The following TBC1D31 variants were observed in gnomAD, a reference collection of about 807,000 sequenced individuals.
TBC1D31 encodes WD repeat domain 67.
Under a neutral mutation model 132.9 loss-of-function variants are expected in TBC1D31, and 99 were observed. The ratio of observed to expected loss-of-function variants is 0.74; its 90% CI spans 0.63 to 0.88. The LOEUF (loss-of-function observed/expected upper bound fraction) is 0.88, where lower values mean the gene tolerates loss of function less well. TBC1D31 is among the 40% of genes least tolerant of loss of function. TBC1D31 has a pLI of 0.00. For missense variants in TBC1D31, 1,134 were observed against 1,256.6 expected (o/e 0.90, Z 1.48); for synonymous variants, 385 against 419.4 (o/e 0.92, Z 1.00).
intron 17 of TBC1D31, among the ~76,000 whole-genome samples, chr8:123,139,008 A>G (rs185729052): frequency 6.6e-6 from 1 of 151,612 alleles, no homozygotes; most frequent in East Asian, 1.9e-4. Flanking sequence ...GGGTTTTACT[A>G]TGTTGCTCAT....
Position 123,087,423 on chromosome 8 carries a change from A to G in TBC1D31, c.519+3083A>G, listed in dbSNP as rs1036874245. On this transcript the variant is annotated intron_variant, in intron 4 of 21. Transcript: ENST00000287380. ...ACCAAAAATTTACTTTGTAGTCTCC[A>G]TGGAAATCCCAGAGTTCTTTAATGT... Among the ~76,000 whole-genome samples the G allele has an allele frequency of 2.6e-5, 4 of 152,248 alleles. No individual in the cohort carries two copies. In the South Asian group the frequency reaches 6.2e-4, roughly 24 times the overall value.
chr8:123,142,341 A>G lies in TBC1D31; in HGVS notation c.2720A>G (p.Lys907Arg), dbSNP rs772475299. Residue 907 changes from lysine to arginine, a missense_variant, in exon 19 of 22, where the codon AAA (lysine) becomes AGA (arginine). Transcript: ENST00000287380. ...DWQIQSLHKQ[K>R]CDDLQRNKCY... ...CAGATTCAGTCTTTACATAAACAAA[A>G]ATGTGATGATCTACAACGAAACAAA... 1.7e-5 allele frequency: 28 copies of G among 1,611,034 alleles called. 1 individual carries two copies. In the South Asian group the frequency reaches 3.0e-4, roughly 17 times the overall value.
At chr8:123,108,090 T>C (rs1818103211) in intron 8 of TBC1D31, among the ~76,000 whole-genome samples, 1 of 152,194 alleles carries the variant, frequency 6.6e-6, no homozygotes, top group African/African-American at 2.4e-5. Flanking sequence ...TCTTAGGTTT[T>C]CCCTTCACCC....
chr8:123,106,688 G>A (rs919526955), intron 8 of TBC1D31, among the ~76,000 whole-genome samples: 3 of 152,140 alleles, frequency 2.0e-5, no homozygotes, highest in African/African-American at 7.2e-5. Flanking sequence ...ACAGAAGAGT[G>A]TCTAAAACAG....
chr8:123,111,170 C>A (rs372072012), intron 10 of TBC1D31, among the ~76,000 whole-genome samples: 1 of 151,942 alleles, frequency 6.6e-6, no homozygotes, highest in Middle Eastern at 3.4e-3. Context: ...ACTTGTTAGG[C>A]GGATTATAAT....
At chr8:123,095,100 T>G (rs1376340133) in intron 5 of TBC1D31, among the ~76,000 whole-genome samples, 2 of 152,228 alleles carry the variant, frequency 1.3e-5, no homozygotes, top group African/African-American at 4.8e-5. Context: ...TCATGTGGTA[T>G]TGTTTAATAT....
chr8:123,150,695 T>G (rs954171066), intron 21 of TBC1D31, among the ~76,000 whole-genome samples: 2 of 152,150 alleles, frequency 1.3e-5, no homozygotes, highest in Non-Finnish European at 2.9e-5. Context: ...GGTTTGGGGT[T>G]TTTTAGAAGG....
intron 17 of TBC1D31, among the ~76,000 whole-genome samples, chr8:123,134,464 C>T (rs1820900187): frequency 6.6e-6 from 1 of 151,886 alleles, no homozygotes; most frequent in Non-Finnish European, 1.5e-5. Context: ...GAGTTCGAGG[C>T]TGCAGTGAAC....
At chr8:123,074,141 C>T (rs1461655884) in intron 1 of TBC1D31, among the ~76,000 whole-genome samples, 1 of 152,058 alleles carries the variant, frequency 6.6e-6, no homozygotes, top group Non-Finnish European at 1.5e-5. Flanking sequence ...AAGCGATTCT[C>T]CTGCCGCAGC....
At chr8:123,126,369 C>T in intron 12 of TBC1D31, 139 bp from the exon 13 acceptor site, 1 of 1,152,956 alleles carries the variant, frequency 8.7e-7, no homozygotes, top group Non-Finnish European at 1.2e-6. Flanking sequence ...AAAGAAGGGT[C>T]CAAATTAAGG....
intron 2 of TBC1D31, 62 bp from the exon 3 acceptor site, chr8:123,082,640 T>C: frequency 8.0e-7 from 1 of 1,247,568 alleles, no homozygotes; most frequent in African/African-American, 1.5e-5. Context: ...ACGGACTCCT[T>C]CCACATGGAA....
the TBC1D31 span, among the ~76,000 whole-genome samples, chr8:123,158,904 A>G: frequency 1.3e-5 from 2 of 152,124 alleles, no homozygotes; most frequent in African/African-American, 2.4e-5. Flanking sequence ...ACTGACACCC[A>G]GTCCTCGGGA....
At chr8:123,099,503 C>G (rs1179399210) in intron 6 of TBC1D31, among the ~76,000 whole-genome samples, 1 of 152,104 alleles carries the variant, frequency 6.6e-6, no homozygotes, top group African/African-American at 2.4e-5. Flanking sequence ...TCCCTCCTAC[C>G]CCTCCACTAC....
At chr8:123,089,494 A>T (rs1320964260) in intron 4 of TBC1D31, among the ~76,000 whole-genome samples, 1 of 152,220 alleles carries the variant, frequency 6.6e-6, no homozygotes, top group Non-Finnish European at 1.5e-5. Flanking sequence ...ACGCAGGCTG[A>T]TTGCTTGAGC....
intron 2 of TBC1D31, among the ~76,000 whole-genome samples, chr8:123,079,226 G>T (rs1236482072): frequency 6.6e-6 from 1 of 152,200 alleles, no homozygotes; most frequent in Non-Finnish European, 1.5e-5. Flanking sequence ...TTGCTATAAA[G>T]AACTTATTAG....
chr8:123,109,760 C>T, intron 10 of TBC1D31, 140 bp downstream of exon 10: 1 of 735,834 alleles, frequency 1.4e-6, no homozygotes, highest in Non-Finnish European at 2.2e-6. Flanking sequence ...TAAAAATGTA[C>T]ATGCACATAT....
At chr8:123,101,163 T>G in intron 7 of TBC1D31, 156 bp downstream of exon 7, 7 of 575,306 alleles carry the variant, frequency 1.2e-5, no homozygotes, top group East Asian at 3.2e-5. Context: ...GCCACATCTC[T>G]GGCCTTGATT....
the TBC1D31 span, among the ~76,000 whole-genome samples, chr8:123,161,128 C>T: frequency 6.6e-6 from 1 of 152,168 alleles, no homozygotes; most frequent in Non-Finnish European, 1.5e-5. Flanking sequence ...CGCTGGGGAC[C>T]CGAGGGCCTC....
At chr8:123,109,695 A>G (rs1261534211) in intron 10 of TBC1D31, 75 bp downstream of exon 10, 7 of 1,365,144 alleles carry the variant, frequency 5.1e-6, no homozygotes, top group Non-Finnish European at 7.0e-6. Flanking sequence ...TCTCCTGTTT[A>G]TAAAATATTG....
Sources: allele counts gnomAD v4.1 joint callset (sites outside exome capture counted in the v4.1 genomes callset), GRCh38; gene constraint gnomAD v4.1.1; transcripts MANE v1.5; gene names NCBI Gene and HGNC (gene_info 2026-07-23, HGNC 2026-07-21).